The following RELN variants were observed in gnomAD, a reference collection of about 807,000 sequenced individuals.
RELN encodes reelin.
Under a neutral mutation model 427.6 loss-of-function variants are expected in RELN, and 108 were observed. That is an observed-to-expected ratio of 0.25 (90% CI 0.22 to 0.30). The LOEUF (loss-of-function observed/expected upper bound fraction) is 0.30. RELN is among the 10% of genes least tolerant of loss of function. RELN has a pLI of 1.00. For synonymous variants in RELN, 1,524 were observed against 1,513.4 expected, an observed-to-expected ratio of 1.01 and a Z score of -0.16; for missense variants, 3,715 against 4,302.8, an observed-to-expected ratio of 0.86 and a Z score of 3.82.
intron 8 of RELN, among the ~76,000 whole-genome samples, chr7:103,701,456 T>C (rs1302136011): frequency 6.6e-6 from 1 of 152,108 alleles, no homozygotes; most frequent in Non-Finnish European, 1.5e-5. Flanking sequence ...GATGAGACAG[T>C]ACATGAGAAA....
intron 64 of RELN, among the ~76,000 whole-genome samples, chr7:103,476,118 G>T (rs186136737): frequency 1.3e-5 from 2 of 152,150 alleles, no homozygotes; most frequent in Admixed American, 6.5e-5. Context: ...TGAGAATGTT[G>T]ATATGCATAT....
At chr7:103,935,828 G>A (rs1486252737) in intron 1 of RELN, among the ~76,000 whole-genome samples, 2 of 152,064 alleles carry the variant, frequency 1.3e-5, no homozygotes, top group Admixed American at 6.6e-5. Flanking sequence ...ACCTTATGGG[G>A]CATAAAAACA....
intron 22 of RELN, among the ~76,000 whole-genome samples, chr7:103,604,852 C>T (rs1831779145): frequency 7.8e-6 from 1 of 128,808 alleles, no homozygotes; most frequent in Non-Finnish European, 1.6e-5. Context: ...TTTTTTGAGA[C>T]AGAGTCTCAC....
chr7:103,722,726 G>A (rs1177169769), intron 8 of RELN, among the ~76,000 whole-genome samples: 2 of 152,096 alleles, frequency 1.3e-5, no homozygotes, highest in Admixed American at 1.3e-4. Context: ...CAAACATAAA[G>A]CCTTAATTGG....
In RELN at chr7:103,989,082, TGGCGGGCGCACCC is replaced by T; in HGVS notation, c.226+36_226+48del. The T allele has an allele frequency of 4.6e-6, 7 of 1,518,346 alleles. No homozygotes were observed. The highest frequency in any genetic ancestry group is 6.4e-6 in the Non-Finnish European group (7 of 1,095,994). The allele number at this position is 1,518,346 out of a possible 1,614,324, so 94.1% of individuals were successfully genotyped here. On this transcript the variant is annotated intron_variant, in intron 1 of 64. Transcript: ENST00000428762. This position sits in a 1 kb window ranked among gnomAD's most constrained non-coding sequence, Gnocchi z 4.9. ...AAGGAAAGGGATGAGAAAGGTGCGC[TGGCGGGCGCACCC>T]GGCGGCGGCGAGCGCGGAGGTGCTG... is the stretch of plus-strand genomic sequence containing the variant.
At chr7:103,589,356 C>T (rs1326197066) in intron 28 of RELN, among the ~76,000 whole-genome samples, 1 of 152,196 alleles carries the variant, frequency 6.6e-6, no homozygotes, top group African/African-American at 2.4e-5. Flanking sequence ...TTTAGTATAT[C>T]TGAATGTTTA....
At chr7:103,894,523 T>A (rs945471774) in intron 2 of RELN, among the ~76,000 whole-genome samples, 1 of 152,182 alleles carries the variant, frequency 6.6e-6, no homozygotes, top group African/African-American at 2.4e-5. Flanking sequence ...ACTGTTAACT[T>A]TTTAAAATGG....
At chr7:103,884,041 G>A (rs1794669045) in intron 2 of RELN, among the ~76,000 whole-genome samples, 1 of 152,034 alleles carries the variant, frequency 6.6e-6, no homozygotes, top group South Asian at 2.1e-4. Flanking sequence ...ATACTACAGG[G>A]CTACGGTAAC....
intron 1 of RELN, among the ~76,000 whole-genome samples, chr7:103,985,455 T>C (rs904538554): frequency 6.6e-6 from 1 of 152,198 alleles, no homozygotes; most frequent in Non-Finnish European, 1.5e-5. Context: ...AACGCTTGTC[T>C]TTCATGCACA....
chr7:103,675,969 T>C (rs1205588960), intron 11 of RELN, among the ~76,000 whole-genome samples: 6 of 152,146 alleles, frequency 3.9e-5, no homozygotes, highest in South Asian at 4.1e-4. Context: ...ATTCAGGACA[T>C]AGGCATGGGC....
chr7:103,769,293 A>T (rs1286309584), intron 4 of RELN, among the ~76,000 whole-genome samples: 2 of 151,870 alleles, frequency 1.3e-5, no homozygotes, highest in Non-Finnish European at 2.9e-5. Flanking sequence ...CCCCCTGTGA[A>T]TGGGATTAAG....
At chr7:103,580,377 C>G (rs76339490) in intron 28 of RELN, among the ~76,000 whole-genome samples, 1,633 of 152,204 alleles carry the variant, frequency 0.011, 25 homozygotes, top group African/African-American at 0.029. Context: ...TCCAAATTAA[C>G]CATGAAGCTG....
intron 3 of RELN, among the ~76,000 whole-genome samples, chr7:103,789,808 T>A (rs1470438167): frequency 6.6e-6 from 1 of 152,192 alleles, no homozygotes; most frequent in Non-Finnish European, 1.5e-5. Flanking sequence ...AGAAATACCA[T>A]TGCACCCAGC....
chr7:103,738,231 G>A (rs1218342732), intron 6 of RELN, among the ~76,000 whole-genome samples: 2 of 151,298 alleles, frequency 1.3e-5, no homozygotes, highest in Non-Finnish European at 1.5e-5. Context: ...AGCATTAAAG[G>A]GATAACTTAA....
chr7:103,809,230 A>G (rs963468240), intron 3 of RELN, among the ~76,000 whole-genome samples: 1 of 152,168 alleles, frequency 6.6e-6, no homozygotes, highest in African/African-American at 2.4e-5. Context: ...TAGAACTAAA[A>G]CATACTCAGA....
chr7:103,596,280 T>C (rs1390668782), intron 25 of RELN, among the ~76,000 whole-genome samples, 176 bp downstream of exon 25: 1 of 152,218 alleles, frequency 6.6e-6, no homozygotes, highest in Non-Finnish European at 1.5e-5. Flanking sequence ...ATACAAATGC[T>C]TTCTGTCCAG....
At chr7:103,556,923 T>G in intron 38 of RELN, 54 bp downstream of exon 38, 1 of 1,400,922 alleles carries the variant, frequency 7.1e-7, no homozygotes, top group East Asian at 2.3e-5. Context: ...TAGAAACAAA[T>G]GTGTTAACAT....
chr7:103,855,008 G>A (rs1490629421), intron 2 of RELN, among the ~76,000 whole-genome samples: 1 of 152,178 alleles, frequency 6.6e-6, no homozygotes, highest in Non-Finnish European at 1.5e-5. Flanking sequence ...TTAATGTATA[G>A]CAGCATTTAA....
intron 3 of RELN, among the ~76,000 whole-genome samples, chr7:103,799,123 C>T (rs1044971669): frequency 1.3e-5 from 2 of 152,256 alleles, no homozygotes; most frequent in South Asian, 4.1e-4. Context: ...CATGAAGTTA[C>T]AACCTTACTA....
Sources: gnomAD v4.1 joint callset for allele counts (sites outside exome capture counted in the v4.1 genomes callset) on GRCh38, gnomAD v4.1.1 for gene constraint, Gnocchi (gnomAD v3.1) non-coding constraint, MANE v1.5 for transcripts, NCBI Gene and HGNC (gene_info 2026-07-23, HGNC 2026-07-21) for gene names.